The following MAGI1 variants were observed in gnomAD, a reference collection of about 807,000 sequenced individuals.
MAGI1 encodes membrane associated guanylate kinase, WW and PDZ domain containing 1, also known as membrane-associated guanylate kinase, WW and PDZ domain-containing protein 1.
A neutral mutation model predicts 139.9 loss-of-function variants in MAGI1; 58 were observed. That is an observed-to-expected ratio of 0.41 (90% confidence interval 0.34 to 0.52). The LOEUF (loss-of-function observed/expected upper bound fraction) is 0.52. MAGI1 is among the 20% of genes least tolerant of loss of function. MAGI1 has a pLI of 0.12. For synonymous variants in MAGI1, 812 were observed against 737.9 expected, an observed-to-expected ratio of 1.10 and a Z score of -1.63; for missense variants, 1,874 against 1,901.6, an observed-to-expected ratio of 0.99 and a Z score of 0.27.
At chr3:65,692,344 A>C (rs2088751752) in intron 1 of MAGI1, among the ~76,000 whole-genome samples, 1 of 152,132 alleles carries the variant, frequency 6.6e-6, no homozygotes, top group Non-Finnish European at 1.5e-5. Flanking sequence ...CTGATGGCAT[A>C]CTCTGGGTTA....
chr3:65,922,866 A>G (rs1363769268), intron 1 of MAGI1, among the ~76,000 whole-genome samples: 1 of 152,232 alleles, frequency 6.6e-6, no homozygotes, highest in Non-Finnish European at 1.5e-5. Context: ...GCTCCTTCCT[A>G]TAGTCTTTAG....
At chr3:65,701,650 T>C (rs911055869) in intron 1 of MAGI1, among the ~76,000 whole-genome samples, 6 of 152,132 alleles carry the variant, frequency 3.9e-5, no homozygotes, top group African/African-American at 1.4e-4. Flanking sequence ...ATAAAGGCAC[T>C]TTTATTATAG....
chr3:65,559,060 T>TA (rs1452139650), intron 2 of MAGI1, among the ~76,000 whole-genome samples: 3 of 151,912 alleles, frequency 2.0e-5, no homozygotes, highest in East Asian at 3.9e-4. Context: ...AGGTGAAGTT[T>TA]AAAAAAAAGT....
intron 1 of MAGI1, among the ~76,000 whole-genome samples, chr3:65,633,100 C>G (rs987963131): frequency 5.3e-5 from 8 of 152,160 alleles, no homozygotes; most frequent in East Asian, 1.9e-4. Context: ...CTAATACCTG[C>G]TAAAGTTTGT....
chr3:65,769,050 C>A (rs1054383947), intron 1 of MAGI1, among the ~76,000 whole-genome samples: 1 of 151,886 alleles, frequency 6.6e-6, no homozygotes, highest in Non-Finnish European at 1.5e-5. Flanking sequence ...TTTAAAGCCA[C>A]TGGGCCTGAA....
intron 1 of MAGI1, among the ~76,000 whole-genome samples, chr3:65,690,688 C>T (rs2088520611): frequency 1.1e-4 from 16 of 148,564 alleles, no homozygotes. Flanking sequence ...CCATGTTGCC[C>T]AGGCTGGTTA....
intron 2 of MAGI1, among the ~76,000 whole-genome samples, chr3:65,499,913 T>C (rs148211242): frequency 4.4e-4 from 67 of 152,308 alleles, no homozygotes; most frequent in African/African-American, 1.4e-3. Context: ...ATGGTATCAA[T>C]AGGCAGGTAA....
Position 65,375,896 on chromosome 3 carries a change from C to G in MAGI1, c.3045G>C (p.Gly1015=), listed in dbSNP as rs1179297380. ...GCTTGCCACAGCGGTCAGCAGGGCTCCCCTCAATAATCCGACCTATTTTGT... is the reference window on the plus strand; with the variant it reads ...GCTTGCCACAGCGGTCAGCAGGGCTGCCCTCAATAATCCGACCTATTTTGT... The part of the protein sequence containing the change: ...MPHKIGRIIE[G]SPADRCGKLK... The change falls in exon 18 of 23, where the codon GGG becomes GGC. Residue 1015 remains glycine (G), a synonymous_variant. Transcript: ENST00000402939. 1 of 1,613,986 alleles carries G rather than the reference C, an allele frequency of 6.2e-7. No homozygotes were observed. Among genetic ancestry groups the G allele is most frequent in the Admixed American group, 1.7e-5 (1 of 59,998 alleles).
intron 1 of MAGI1, among the ~76,000 whole-genome samples, chr3:66,007,662 A>G (rs946999860): frequency 6.6e-6 from 1 of 152,198 alleles, no homozygotes; most frequent in African/African-American, 2.4e-5. Flanking sequence ...ACCATTTATC[A>G]AGGGAACTGG....
At chr3:65,892,314 T>G (rs145175958) in intron 1 of MAGI1, among the ~76,000 whole-genome samples, 72 of 152,262 alleles carry the variant, frequency 4.7e-4, no homozygotes, top group Admixed American at 1.4e-3. Flanking sequence ...GGAAACTCAT[T>G]AACTTAGTTA....
chr3:65,893,445 A>C (rs2060846721), intron 1 of MAGI1, among the ~76,000 whole-genome samples: 1 of 152,214 alleles, frequency 6.6e-6, no homozygotes, highest in Non-Finnish European at 1.5e-5. Flanking sequence ...ATTAACGTTA[A>C]GTTTCTTCAT....
chr3:65,672,932 T>C (rs1331376904), intron 1 of MAGI1, among the ~76,000 whole-genome samples: 2 of 152,216 alleles, frequency 1.3e-5, no homozygotes, highest in Non-Finnish European at 2.9e-5. Flanking sequence ...CACCAGGCCA[T>C]AATCAAGTAT....
rs74518776 is a variant in MAGI1, at chr3:65,897,660, C to A, written c.313+140336G>T. On this transcript the variant is annotated intron_variant, in intron 1 of 22. Transcript: ENST00000402939. The stretch of plus-strand genomic sequence containing the variant: ...TAGGACTTAAAGTATAATTAAAAAA[C>A]AACAACAACAACAACAAAAAAGAAC... 1.4e-4 allele frequency among the ~76,000 whole-genome samples: 21 copies of A among 151,706 alleles called. No individual in the cohort carries two copies. In the East Asian group the frequency reaches 2.7e-3, roughly 20 times the overall value.
At chr3:65,724,130 C>T (rs1163227972) in intron 1 of MAGI1, among the ~76,000 whole-genome samples, 1 of 152,238 alleles carries the variant, frequency 6.6e-6, no homozygotes, top group African/African-American at 2.4e-5. Context: ...CTCGAGCTTT[C>T]TTCCACCTCA....
intron 1 of MAGI1, among the ~76,000 whole-genome samples, chr3:65,849,591 G>C (rs2059137669): frequency 1.3e-5 from 2 of 151,600 alleles, no homozygotes; most frequent in Admixed American, 1.3e-4. Flanking sequence ...TTGCTGGTCT[G>C]TTATTGTTAG....
intron 5 of MAGI1, among the ~76,000 whole-genome samples, chr3:65,463,558 ATG>A (rs56135171): frequency 0.062 from 8,704 of 140,644 alleles, 253 homozygotes; most frequent in East Asian, 0.11. Flanking sequence ...TTGGCCTGAA[ATG>A]TGTGTGTGTG....
chr3:65,831,004 T>C (rs907347849), intron 1 of MAGI1, among the ~76,000 whole-genome samples: 1 of 136,384 alleles, frequency 7.3e-6, no homozygotes, highest in Non-Finnish European at 1.6e-5. Context: ...CTTTTAGCAA[T>C]TGGACCTCTC....
intron 1 of MAGI1, among the ~76,000 whole-genome samples, chr3:65,856,648 T>C (rs994659350): frequency 6.6e-6 from 1 of 152,184 alleles, no homozygotes; most frequent in Non-Finnish European, 1.5e-5. Context: ...ATATCTCAGA[T>C]GAACAAGTAA....
chr3:65,882,640 A>G (rs1396897834), intron 1 of MAGI1, among the ~76,000 whole-genome samples: 1 of 152,166 alleles, frequency 6.6e-6, no homozygotes, highest in Non-Finnish European at 1.5e-5. Context: ...CACGCCAAAA[A>G]TGCACAAGTT....
Sources: gnomAD v4.1 joint callset for allele counts (sites outside exome capture counted in the v4.1 genomes callset) on GRCh38, gnomAD v4.1.1 for gene constraint, MANE v1.5 for transcripts, NCBI Gene and HGNC (gene_info 2026-07-23, HGNC 2026-07-21) for gene names.